Variants in AKR1C8 observed in about 807,000 individuals in gnomAD.
AKR1C8 encodes the protein aldo-keto reductase family 1 member C8, also known as aldo-keto reductase family 1 member C-like protein 1.
At chr10:5,140,071 G>A in the AKR1C8 span, among the ~76,000 whole-genome samples, 3 of 152,132 alleles carry the variant, frequency 2.0e-5, no homozygotes, top group Non-Finnish European at 4.4e-5. Flanking sequence ...GGTCATCAGA[G>A]AAATGCAAAT....
chr10:5,183,872 G>C, the AKR1C8 span, among the ~76,000 whole-genome samples: 1 of 152,076 alleles, frequency 6.6e-6, no homozygotes, highest in Non-Finnish European at 1.5e-5. Flanking sequence ...CTAAGACATG[G>C]CAACAACTGC....
chr10:5,166,724 A>ACG, the AKR1C8 span, among the ~76,000 whole-genome samples: 1 of 152,180 alleles, frequency 6.6e-6, no homozygotes, highest in Non-Finnish European at 1.5e-5. Flanking sequence ...GGACATAGGC[A>ACG]TGGGCAAGGA....
At chr10:5,134,108 C>T in the AKR1C8 span, among the ~76,000 whole-genome samples, 1 of 152,050 alleles carries the variant, frequency 6.6e-6, no homozygotes, top group Non-Finnish European at 1.5e-5. Flanking sequence ...ATTTCAGAAG[C>T]TTTCTATTTT....
the AKR1C8 span, chr10:5,161,024 C>G: frequency 2.5e-6 from 1 of 394,286 alleles, no homozygotes; most frequent in Non-Finnish European, 5.0e-6. Context: ...CATATTTGTG[C>G]CTACATTTGC....
chr10:5,164,697 G>A, the AKR1C8 span, among the ~76,000 whole-genome samples: 1 of 152,088 alleles, frequency 6.6e-6, no homozygotes, highest in African/African-American at 2.4e-5. Flanking sequence ...TGTTGGGAAT[G>A]TTGATTCTGT....
At chr10:5,123,672 A>G in the AKR1C8 span, 8 of 1,553,018 alleles carry the variant, frequency 5.2e-6, no homozygotes, top group Non-Finnish European at 6.2e-6. Context: ...TACTTCATCA[A>G]AATGGCATTT....
chr10:5,134,880 G>T, the AKR1C8 span, among the ~76,000 whole-genome samples: 2 of 152,112 alleles, frequency 1.3e-5, no homozygotes, highest in Non-Finnish European at 2.9e-5. Context: ...TAAATATTCT[G>T]CAAAGCTGGG....
the AKR1C8 span, among the ~76,000 whole-genome samples, chr10:5,139,058 G>C: frequency 6.6e-6 from 1 of 152,092 alleles, no homozygotes; most frequent in Non-Finnish European, 1.5e-5. Flanking sequence ...ATTCACAATT[G>C]CTTCAAAGAG....
At chr10:5,181,542 G>A in the AKR1C8 span, among the ~76,000 whole-genome samples, 1 of 151,958 alleles carries the variant, frequency 6.6e-6, no homozygotes, top group Non-Finnish European at 1.5e-5. Context: ...ACTACAGAAG[G>A]CCCCTAAAAC....
the AKR1C8 span, chr10:5,155,894 A>G: frequency 2.8e-6 from 1 of 351,016 alleles, no homozygotes. Context: ...TTCCAGGTGC[A>G]TGTGGCTTGA....
At chr10:5,176,825 G>T in the AKR1C8 span, among the ~76,000 whole-genome samples, 459 of 152,056 alleles carry the variant, frequency 3.0e-3, 4 homozygotes, top group African/African-American at 9.3e-3. Context: ...TGTACATTGA[G>T]TTTGTATCCT....
the AKR1C8 span, among the ~76,000 whole-genome samples, chr10:5,168,133 A>T: frequency 6.6e-6 from 1 of 152,002 alleles, no homozygotes; most frequent in African/African-American, 2.4e-5. Flanking sequence ...CTATCCAACA[A>T]CTAGATCTTT....
the AKR1C8 span, among the ~76,000 whole-genome samples, chr10:5,150,356 T>TGAA: frequency 7.2e-5 from 11 of 152,032 alleles, no homozygotes; most frequent in Admixed American, 5.9e-4. Context: ...GACAAAGGAA[T>TGAA]ATTTTATGCC....
the AKR1C8 span, among the ~76,000 whole-genome samples, chr10:5,134,295 A>G: frequency 6.6e-6 from 1 of 152,160 alleles, no homozygotes; most frequent in Non-Finnish European, 1.5e-5. Flanking sequence ...GCTAGTGTTG[A>G]TGGTCTTCAA....
the AKR1C8 span, among the ~76,000 whole-genome samples, chr10:5,164,223 G>A: frequency 6.6e-6 from 1 of 152,102 alleles, no homozygotes; most frequent in Non-Finnish European, 1.5e-5. Flanking sequence ...AGGCAAAGCT[G>A]AGTTACACTT....
At chr10:5,127,458 C>A in the AKR1C8 span, among the ~76,000 whole-genome samples, 1 of 152,072 alleles carries the variant, frequency 6.6e-6, no homozygotes, top group Admixed American at 6.6e-5. Context: ...GTGGCTCACA[C>A]CTGTAATCCC....
chr10:5,135,211 G>C, the AKR1C8 span: 1 of 223,826 alleles, frequency 4.5e-6, no homozygotes, highest in East Asian at 1.2e-4. Context: ...TCCACACACT[G>C]ATATTTGGGA....
At chr10:5,162,725 GTT>G in the AKR1C8 span, 1 of 365,650 alleles carries the variant, frequency 2.7e-6, no homozygotes, top group Admixed American at 2.9e-5. Flanking sequence ...AGTCTTTTCT[GTT>G]TCTATAATAT....
At chr10:5,123,903 G>A in the AKR1C8 span, 42 of 1,384,272 alleles carry the variant, frequency 3.0e-5, no homozygotes, top group Non-Finnish European at 3.8e-5. Flanking sequence ...AAAGTAAAAG[G>A]AGGTGAATAA....
Sources: gnomAD v4.1 joint callset for allele counts (sites outside exome capture counted in the v4.1 genomes callset) on GRCh38, gnomAD v4.1.1 for gene constraint, MANE v1.5 for transcripts, NCBI Gene and HGNC (gene_info 2026-07-23, HGNC 2026-07-21) for gene names.